Variants in RAB29 observed in about 807,000 individuals in gnomAD.
RAB29 encodes ras-related protein Rab-29.
A neutral mutation model predicts 25.5 loss-of-function variants in RAB29; 13 were observed. The observed-to-expected ratio is 0.51, with a 90% CI of 0.33 to 0.81. RAB29 has a LOEUF of 0.81. Ranked by LOEUF, RAB29 falls within the 30% of genes least tolerant of loss-of-function variation. The probability of loss-of-function intolerance (pLI) is 0.02; values close to 1 mark genes in which losing one functional copy is unlikely to be tolerated. For missense variants in RAB29, 201 were observed against 254.9 expected, an observed-to-expected ratio of 0.79 and a Z score of 1.44; for synonymous variants, 88 against 95.0, an observed-to-expected ratio of 0.93 and a Z score of 0.43.
In RAB29 at chr1:205,770,105, T is replaced by C; in HGVS notation, c.*237A>G. 1 of 558,884 alleles carries C rather than the reference T, an allele frequency of 1.8e-6. No individual in the cohort carries two copies. The highest frequency in any genetic ancestry group is 3.1e-5 in the Admixed American group (1 of 32,194). 34.6% of individuals were successfully genotyped at this position (558,884 alleles called of 1,614,324 possible). On this transcript the variant is annotated 3_prime_UTR_variant, in exon 6 of 6. Transcript: ENST00000367139. ...AAATTGAGGGCTGATGAGAAGATCT[T>C]ACACCGAAGGCACTAACTGGCACTA...
intron 3 of RAB29, 47 bp downstream of exon 3, chr1:205,772,449 T>G: frequency 8.9e-6 from 14 of 1,576,828 alleles, no homozygotes; most frequent in Non-Finnish European, 1.2e-5. Context: ...GCTTTCTAGT[T>G]AAATCAAAAT....
rs1655241945 is a variant in RAB29, at chr1:205,774,982, A to G, written c.-26T>C. 3.1e-6 allele frequency: 5 copies of G among 1,612,440 alleles called. No homozygotes were observed. Among genetic ancestry groups the G allele is most frequent in the Non-Finnish European group, 4.2e-6 (5 of 1,179,850 alleles). The stretch of plus-strand genomic sequence containing the variant: ...GGCTAGCGGGGTGTGCGTTTTAGGG[A>G]GGCGGGAAGTGTGGTCGGGGATCGG... On this transcript the variant is annotated 5_prime_UTR_variant, in exon 2 of 6. Transcript: ENST00000367139.
chr1:205,774,725 G>A lies in RAB29; in HGVS notation c.124+108C>T. 6 of 1,212,524 alleles carry A rather than the reference G, an allele frequency of 4.9e-6. No individual in the cohort carries two copies. In the South Asian group the frequency reaches 5.3e-5, roughly 11 times the overall value. 75.1% of individuals were successfully genotyped at this position (1,212,524 alleles called of 1,614,324 possible). ...AGACAGTACTTCCTGACCCGAAGAA[G>A]GACCCAACAACCGACAGCAAATCCC... On this transcript the variant is annotated intron_variant, in intron 2 of 5. Transcript: ENST00000367139.
At position 205,774,961 on chromosome 1, in the gene RAB29, A is replaced by AG. The variant is rs759299956; in HGVS notation, c.-6dup. 4 of 1,613,576 alleles carry AG rather than the reference A, an allele frequency of 2.5e-6. No homozygotes were observed. In the South Asian group the frequency reaches 4.4e-5, roughly 18 times the overall value. ...CAGGTGGTCGCGGCTGCCCATGGCT[A>AG]GCGGGGTGTGCGTTTTAGGGAGGCG... On this transcript the variant is annotated 5_prime_UTR_variant, in exon 2 of 6. Coordinates refer to ENST00000367139, the MANE Select transcript of RAB29 (RefSeq NM_003929.3).
intron 2 of RAB29, 69 bp downstream of exon 2, chr1:205,774,764 T>TC (rs1374511716): frequency 6.6e-7 from 1 of 1,506,020 alleles, no homozygotes; most frequent in Non-Finnish European, 9.0e-7. Context: ...CCCACTTGGG[T>TC]CCCCAGCTCG....
intron 2 of RAB29, among the ~76,000 whole-genome samples, chr1:205,773,692 T>TG (rs569665188): frequency 1.5e-4 from 23 of 152,074 alleles, no homozygotes; most frequent in Admixed American, 1.4e-3. Flanking sequence ...TTTGTAGAGG[T>TG]GGGGGTCTTG....
chr1:205,775,206 A>C, intron 1 of RAB29, 67 bp downstream of exon 1: 1 of 459,604 alleles, frequency 2.2e-6, no homozygotes, highest in South Asian at 2.4e-5. Flanking sequence ...GGCTGTTCGC[A>C]CCTTCCCCAC....
At position 205,775,079 on chromosome 1, in the gene RAB29, T is replaced by C; in HGVS notation, c.-123A>G. ...AAGTGAGGCATTCCCACCCACCGCC[T>C]GTCTGGGCTGCTCTGACGAGAAAGC... On this transcript the variant is annotated 5_prime_UTR_variant, in exon 2 of 6. Coordinates refer to ENST00000367139, the MANE Select transcript of RAB29 (RefSeq NM_003929.3). 1 of 1,297,462 alleles carries C rather than the reference T, an allele frequency of 7.7e-7. No homozygotes were observed. Among genetic ancestry groups the C allele is most frequent in the South Asian group, 1.3e-5 (1 of 75,168 alleles). The allele number at this position is 1,297,462 out of a possible 1,614,324, so 80.4% of individuals were successfully genotyped here.
At chr1:205,774,625 T>C (rs1655204832) in intron 2 of RAB29, among the ~76,000 whole-genome samples, 1 of 152,168 alleles carries the variant, frequency 6.6e-6, no homozygotes, top group South Asian at 2.1e-4. Context: ...GTGGGCTCAG[T>C]TTGGGAAAAT....
intron 4 of RAB29, chr1:205,771,094 C>T (rs564726683): frequency 9.3e-4 from 459 of 492,416 alleles, no homozygotes; most frequent in Non-Finnish European, 1.5e-3. Context: ...GTCAGGAGAG[C>T]GAGACCATCC....
intron 3 of RAB29, 75 bp downstream of exon 3, chr1:205,772,421 C>T (rs1655075860): frequency 3.3e-5 from 48 of 1,448,436 alleles, no homozygotes; most frequent in Non-Finnish European, 4.4e-5. Flanking sequence ...GGCTTTGCTG[C>T]CCCATTTTTT....
rs566232344 is a variant in RAB29 at position 205,773,430 on chromosome 1, C to T, written c.125-863G>A. Among the ~76,000 whole-genome samples the T allele has an allele frequency of 3.3e-5, 5 of 152,212 alleles. No homozygotes were observed. In the South Asian group the frequency reaches 1.0e-3, roughly 32 times the overall value. Reference sequence around the variant, plus strand: ...TTAACCCAAATCCGTGAAATAGGGACCCTTATATTATTTAGGAGTGGGAGG... The same window carrying T: ...TTAACCCAAATCCGTGAAATAGGGATCCTTATATTATTTAGGAGTGGGAGG... On this transcript the variant is annotated intron_variant, in intron 2 of 5. Coordinates refer to ENST00000367139, the MANE Select transcript of RAB29 (RefSeq NM_003929.3).
rs1383813872 is a variant in RAB29, at chr1:205,769,014, CTAGAGA to C, written c.*1322_*1327del. 6.6e-6 allele frequency: 1 copy of C among 152,098 alleles called. No homozygotes were observed. Among genetic ancestry groups the C allele is most frequent in the Non-Finnish European group, 1.5e-5 (1 of 68,020 alleles). The allele number at this position is 152,098 out of a possible 1,614,324, so 9.4% of individuals were successfully genotyped here. On this transcript the variant is annotated 3_prime_UTR_variant, in exon 6 of 6. Coordinates refer to ENST00000367139, the MANE Select transcript of RAB29 (RefSeq NM_003929.3). The stretch of plus-strand genomic sequence containing the variant: ...TTTGGGTAGGTTATAAATCACCATC[CTAGAGA>C]TAATTTAACAAATTAAATGGTCTAG...
chr1:205,773,342 T>C (rs1211343112), intron 2 of RAB29, among the ~76,000 whole-genome samples: 2 of 152,176 alleles, frequency 1.3e-5, no homozygotes, highest in Admixed American at 6.5e-5. Flanking sequence ...TAGCCAATTA[T>C]ATTCTTTGCT....
chr1:205,773,886 G>A (rs955011094), intron 2 of RAB29, among the ~76,000 whole-genome samples: 1 of 152,140 alleles, frequency 6.6e-6, no homozygotes, highest in Non-Finnish European at 1.5e-5. Context: ...ATATGAACAG[G>A]AGCACACATT....
At chr1:205,770,581 T>A in intron 5 of RAB29, 128 bp from the exon 6 acceptor site, 2 of 1,418,810 alleles carry the variant, frequency 1.4e-6, no homozygotes, top group Non-Finnish European at 1.9e-6. Context: ...TTGTCCCCAG[T>A]TATCTCAGGA....
At chr1:205,770,693 G>C in intron 5 of RAB29, 40 bp downstream of exon 5, 1 of 1,613,304 alleles carries the variant, frequency 6.2e-7, no homozygotes, top group African/African-American at 1.3e-5. Flanking sequence ...CACAGTGGAA[G>C]ATGGATACAT....
At chr1:205,775,220 C>T (rs369786631) in intron 1 of RAB29, 53 bp downstream of exon 1, 3 of 430,160 alleles carry the variant, frequency 7.0e-6, no homozygotes, top group Non-Finnish European at 1.3e-5. Flanking sequence ...TCCCCACCCC[C>T]TCCTGGCCTG....
At chr1:205,771,754 C>T in intron 3 of RAB29, 101 bp from the exon 4 acceptor site, 1 of 1,146,408 alleles carries the variant, frequency 8.7e-7, no homozygotes, top group East Asian at 2.4e-5. Context: ...TGGGGCCACT[C>T]ACTTTCCCCC....
Sources: gnomAD v4.1 joint callset for allele counts (sites outside exome capture counted in the v4.1 genomes callset) on GRCh38, gnomAD v4.1.1 for gene constraint, MANE v1.5 for transcripts, NCBI Gene and HGNC (gene_info 2026-07-23, HGNC 2026-07-21) for gene names.